CCDC85C: variants seen among roughly 807,000 people sequenced by gnomAD.
CCDC85C encodes coiled-coil domain-containing protein 85C.
CCDC85C carries 18 observed loss-of-function variants against 38.3 expected under a neutral mutation model. The observed-to-expected ratio is 0.47, with a 90% CI of 0.33 to 0.70. The LOEUF is 0.70. CCDC85C is among the 30% of genes least tolerant of loss of function. The probability of loss-of-function intolerance (pLI) is 0.03; values close to 1 mark genes in which losing one functional copy is unlikely to be tolerated. For synonymous variants in CCDC85C, 264 were observed against 293.8 expected (o/e 0.90, Z 1.04); for missense variants, 566 against 621.2 (o/e 0.91, Z 0.94).
chr14:99,579,774 G>C (rs1276005995), intron 1 of CCDC85C, among the ~76,000 whole-genome samples: 1 of 152,124 alleles, frequency 6.6e-6, no homozygotes, highest in South Asian at 2.1e-4. Context: ...CCTGCCTGCT[G>C]TCACCTCTCC....
At position 99,516,358 on chromosome 14, in the gene CCDC85C, A is replaced by C. The variant is rs1897225396; in HGVS notation, c.1072-72T>G. 1 of 1,101,218 alleles carries C rather than the reference A, an allele frequency of 9.1e-7. No homozygotes were observed. The highest frequency in any genetic ancestry group is 1.6e-5 in the African/African-American group (1 of 64,422). The allele number at this position is 1,101,218 out of a possible 1,614,324, so 68.2% of individuals were successfully genotyped here. A position where few individuals can be genotyped will look rare whatever the true frequency, so the allele number is the denominator to read the frequency against. On this transcript the variant is annotated intron_variant, in intron 4 of 5. Transcript: ENST00000380243. The surrounding 1 kb of genome is among the most constrained non-coding windows in gnomAD (Gnocchi z 5.5). ...CCTCGGGCAAGTCACCTGGCCCCTGATCCTCAGCCTCCCCTGCTGCGAACC... is the reference window on the plus strand; with the variant it reads ...CCTCGGGCAAGTCACCTGGCCCCTGCTCCTCAGCCTCCCCTGCTGCGAACC...
rs1897162417 is a variant in CCDC85C, at chr14:99,512,927, C to T, written c.*2319G>A. 1 of 152,214 alleles carries T rather than the reference C, an allele frequency of 6.6e-6. No homozygotes were observed. Among genetic ancestry groups the T allele is most frequent in the Non-Finnish European group, 1.5e-5 (1 of 68,046 alleles). The allele number at this position is 152,214 out of a possible 1,614,324, so 9.4% of individuals were successfully genotyped here. A position where few individuals can be genotyped will look rare whatever the true frequency, so the allele number is the denominator to read the frequency against. On this transcript the variant is annotated 3_prime_UTR_variant, in exon 6 of 6. Transcript: ENST00000380243. The stretch of plus-strand genomic sequence containing the variant: ...CGTCGCTGCTGCTGGCTTTTAAAAT[C>T]AGCTATTAGTTTGAGATGTGACAGT...
rs1897538354 is a variant in CCDC85C, at chr14:99,533,799, G to C, written c.867+2216C>G. 6.6e-6 allele frequency among the ~76,000 whole-genome samples: 1 copy of C among 152,228 alleles called. No homozygotes were observed. The highest frequency in any genetic ancestry group is 2.1e-4 in the South Asian group (1 of 4,834). ...CTCCACCTGTGCACAGGTGGGTGCA[G>C]GGCAGGTGGACACAGGTTATGGTGG... On this transcript the variant is annotated intron_variant, in intron 2 of 5. Transcript: ENST00000380243. The surrounding 1 kb of genome is among the most constrained non-coding windows in gnomAD (Gnocchi z 4.2).
In CCDC85C at chr14:99,512,389, T is replaced by C. The variant is rs1308843113; in HGVS notation, c.*2857A>G. The C allele has an allele frequency of 1.2e-4, 18 of 150,352 alleles. No homozygotes were observed. The highest frequency in any genetic ancestry group is 1.3e-4 in the Non-Finnish European group (9 of 67,780). The allele number at this position is 150,352 out of a possible 1,614,324, so 9.3% of individuals were successfully genotyped here. A position where few individuals can be genotyped will look rare whatever the true frequency, so the allele number is the denominator to read the frequency against. On this transcript the variant is annotated 3_prime_UTR_variant, in exon 6 of 6. Coordinates refer to ENST00000380243, the MANE Select transcript of CCDC85C (RefSeq NM_001144995.2). ...ACTTTGCCCCACAGTATGAAAAATATACACCTCTACCGCTCTGCAGTCATG... is the reference window on the plus strand; with the variant it reads ...ACTTTGCCCCACAGTATGAAAAATACACACCTCTACCGCTCTGCAGTCATG...
At chr14:99,549,359 T>C (rs1439492462) in intron 1 of CCDC85C, among the ~76,000 whole-genome samples, 3 of 152,184 alleles carry the variant, frequency 2.0e-5, no homozygotes, top group Non-Finnish European at 4.4e-5. Flanking sequence ...AGTGACCTCC[T>C]TGGGTGCCAC....
rs1897154356 is a variant in CCDC85C, at chr14:99,512,516, G to GC, written c.*2729_*2730insG. The GC allele has an allele frequency of 6.6e-6, 1 of 152,020 alleles. No homozygotes were observed. The highest frequency in any genetic ancestry group is 1.5e-5 in the Non-Finnish European group (1 of 68,000). The allele number at this position is 152,020 out of a possible 1,614,324, so 9.4% of individuals were successfully genotyped here. ...GGTCACTTTTTTCTCTTTAAACACT[G>GC]ATGTGTAGCTAGTAACTTGGATAAA... is the stretch of plus-strand genomic sequence containing the variant. On this transcript the variant is annotated 3_prime_UTR_variant, in exon 6 of 6. Transcript: ENST00000380243.
chr14:99,502,582 A>G lies in CCDC85C; in HGVS notation c.*12664T>C. 2.5e-6 allele frequency: 3 copies of G among 1,203,810 alleles called. No individual in the cohort carries two copies. The highest frequency in any genetic ancestry group is 3.5e-6 in the Non-Finnish European group (3 of 860,472). 74.6% of individuals were successfully genotyped at this position (1,203,810 alleles called of 1,614,324 possible). Reference sequence around the variant, plus strand: ...CTAAAAATACACACCAGTGTTGCACACAACGAAGATGGGGTGAGTTGTAAA... The same window carrying G: ...CTAAAAATACACACCAGTGTTGCACGCAACGAAGATGGGGTGAGTTGTAAA... On this transcript the variant is annotated 3_prime_UTR_variant, in exon 6 of 6. Transcript: ENST00000380243.
At chr14:99,601,522 G>A (rs974143062) in intron 1 of CCDC85C, among the ~76,000 whole-genome samples, 1 of 152,290 alleles carries the variant, frequency 6.6e-6, no homozygotes, top group East Asian at 1.9e-4. Flanking sequence ...CATTGATGAC[G>A]CAGCTGAAAA....
intron 2 of CCDC85C, among the ~76,000 whole-genome samples, chr14:99,531,609 G>A (rs1202611536): frequency 6.6e-6 from 1 of 151,048 alleles, no homozygotes; most frequent in East Asian, 2.0e-4. Context: ...ACCGCGGGGA[G>A]TAGGAATCCA....
rs796801270 is a variant in CCDC85C at position 99,507,876 on chromosome 14, C to T, written c.*7370G>A. On this transcript the variant is annotated 3_prime_UTR_variant, in exon 6 of 6. Coordinates refer to ENST00000380243, the MANE Select transcript of CCDC85C (RefSeq NM_001144995.2). ...AGTAGTACATGGTAAGCTGGAAAGC[C>T]TCTCTGATACCGCTGGCAATAGAGG... 6 of 152,324 alleles carry T rather than the reference C, an allele frequency of 3.9e-5. No homozygotes were observed. Among genetic ancestry groups the T allele is most frequent in the African/African-American group, 1.4e-4 (6 of 41,572 alleles). 9.4% of individuals were successfully genotyped at this position (152,324 alleles called of 1,614,324 possible).
At chr14:99,546,190 C>T (rs1264093335) in intron 1 of CCDC85C, among the ~76,000 whole-genome samples, 1 of 151,992 alleles carries the variant, frequency 6.6e-6, no homozygotes, top group Non-Finnish European at 1.5e-5. Context: ...AGATGTCAAC[C>T]AAATCTCTAT....
chr14:99,530,334 C>T (rs1474045960), intron 2 of CCDC85C, among the ~76,000 whole-genome samples: 1 of 152,228 alleles, frequency 6.6e-6, no homozygotes, highest in Non-Finnish European at 1.5e-5. Flanking sequence ...CCAAAGACTA[C>T]ACTGCCTATG....
intron 1 of CCDC85C, among the ~76,000 whole-genome samples, chr14:99,595,049 C>T (rs1238914553): frequency 6.6e-6 from 1 of 152,210 alleles, no homozygotes; most frequent in South Asian, 2.1e-4. Flanking sequence ...GAACTGCCCA[C>T]ACCCCGAAGG....
intron 1 of CCDC85C, among the ~76,000 whole-genome samples, chr14:99,540,106 C>T (rs868202567): frequency 3.3e-5 from 5 of 152,112 alleles, no homozygotes; most frequent in Middle Eastern, 3.2e-3. Context: ...CGAGATCACG[C>T]CACTGCAGTC....
At chr14:99,528,038 A>G (rs1029206126) in intron 2 of CCDC85C, among the ~76,000 whole-genome samples, 2 of 152,212 alleles carry the variant, frequency 1.3e-5, no homozygotes, top group East Asian at 3.9e-4. Context: ...AGGAGAGGGC[A>G]GATCCCAAGA....
chr14:99,590,825 C>T (rs2055077765), intron 1 of CCDC85C, among the ~76,000 whole-genome samples: 1 of 152,192 alleles, frequency 6.6e-6, no homozygotes, highest in African/African-American at 2.4e-5. Flanking sequence ...CCCCCCAACC[C>T]CCAACCAACA....
rs1315155022 is a variant in CCDC85C, at chr14:99,535,908, A to C, written c.867+107T>G. Reference sequence around the variant, plus strand: ...GGAGGTGACAGGTGGCAGTGGGAGCAGTTGGGGGGACAGCCTAGGTCCCAA... The same window carrying C: ...GGAGGTGACAGGTGGCAGTGGGAGCCGTTGGGGGGACAGCCTAGGTCCCAA... On this transcript the variant is annotated intron_variant, in intron 2 of 5. Transcript: ENST00000380243. This position sits in a 1 kb window ranked among gnomAD's most constrained non-coding sequence, Gnocchi z 5.5. 3 of 793,472 alleles carry C rather than the reference A, an allele frequency of 3.8e-6. No homozygotes were observed. The highest frequency in any genetic ancestry group is 6.3e-6 in the Non-Finnish European group (3 of 475,158). 49.2% of individuals were successfully genotyped at this position (793,472 alleles called of 1,614,324 possible).
rs548540090 is a variant in CCDC85C at position 99,574,088 on chromosome 14, G to A, written c.793+29079C>T. On this transcript the variant is annotated intron_variant, in intron 1 of 5. Coordinates refer to ENST00000380243, the MANE Select transcript of CCDC85C (RefSeq NM_001144995.2). Reference sequence around the variant, plus strand: ...GGCTCAGTGCACATGCCAGGGACGCGCAGGAGTTAAATTCTGAGACAGGAG... The same window carrying A: ...GGCTCAGTGCACATGCCAGGGACGCACAGGAGTTAAATTCTGAGACAGGAG... 1.6e-4 allele frequency among the ~76,000 whole-genome samples: 24 copies of A among 152,244 alleles called. No individual in the cohort carries two copies. The South Asian group carries it at 2.5e-3, about 16-fold the overall frequency.
At chr14:99,599,570 C>T (rs1247059697) in intron 1 of CCDC85C, among the ~76,000 whole-genome samples, 4 of 152,182 alleles carry the variant, frequency 2.6e-5, no homozygotes, top group African/African-American at 9.7e-5. Flanking sequence ...GTCCCAAGTC[C>T]AGTCAGCCCA....
Sources: allele counts gnomAD v4.1 joint callset (sites outside exome capture counted in the v4.1 genomes callset), GRCh38; gene constraint gnomAD v4.1.1; non-coding constraint Gnocchi (gnomAD v3.1); transcripts MANE v1.5; gene names NCBI Gene and HGNC (gene_info 2026-07-23, HGNC 2026-07-21).